The following FAF1 variants were observed in gnomAD, a reference collection of about 807,000 sequenced individuals.
FAF1 encodes the protein FAS-associated factor 1.
FAF1 carries 25 observed loss-of-function variants against 92.5 expected under a neutral mutation model. That is an observed-to-expected ratio of 0.27 (90% CI 0.20 to 0.38). The LOEUF (loss-of-function observed/expected upper bound fraction) is 0.38, where lower values mean the gene tolerates loss of function less well. Ranked by LOEUF, FAF1 falls within the 10% of genes least tolerant of loss-of-function variation. The pLI is 1.00. For synonymous variants in FAF1, 234 were observed against 273.2 expected (o/e 0.86, Z 1.42); for missense variants, 636 against 793.3 (o/e 0.80, Z 2.38).
intron 3 of FAF1, among the ~76,000 whole-genome samples, chr1:50,800,653 T>C (rs1029375983): frequency 5.3e-5 from 8 of 152,184 alleles, no homozygotes; most frequent in Non-Finnish European, 1.2e-4. Flanking sequence ...GTGGTACAGG[T>C]ATCAAACAAA....
chr1:50,566,202 C>CA (rs1351340257), intron 13 of FAF1, among the ~76,000 whole-genome samples: 1 of 151,968 alleles, frequency 6.6e-6, no homozygotes, highest in Non-Finnish European at 1.5e-5. Flanking sequence ...TTAAATAAAA[C>CA]AAAGTCTGAA....
intron 4 of FAF1, among the ~76,000 whole-genome samples, chr1:50,779,538 T>C (rs193145803): frequency 9.9e-5 from 15 of 151,944 alleles, no homozygotes; most frequent in Admixed American, 2.6e-4. Flanking sequence ...CCTGTATATA[T>C]TGATATCTAA....
chr1:50,483,373 C>A (rs978199283), intron 17 of FAF1, among the ~76,000 whole-genome samples: 1 of 151,954 alleles, frequency 6.6e-6, no homozygotes, highest in South Asian at 2.1e-4. Context: ...TTTGTAAATA[C>A]CACTATGTCT....
At chr1:50,929,303 C>G (rs923920644) in intron 1 of FAF1, among the ~76,000 whole-genome samples, 10 of 151,980 alleles carry the variant, frequency 6.6e-5, no homozygotes, top group African/African-American at 2.4e-4. Flanking sequence ...GGAGTGGGCT[C>G]CCAAAACAGT....
chr1:50,774,593 T>C (rs1415508335), intron 4 of FAF1, among the ~76,000 whole-genome samples: 1 of 152,042 alleles, frequency 6.6e-6, no homozygotes, highest in Admixed American at 6.6e-5. Flanking sequence ...AGATAAATGG[T>C]TCAAATAATA....
intron 4 of FAF1, 72 bp from the exon 5 acceptor site, chr1:50,744,847 A>T: frequency 9.4e-6 from 8 of 848,702 alleles, no homozygotes; most frequent in Non-Finnish European, 1.5e-5. Flanking sequence ...ATCCAGAGCT[A>T]ACACTAATAT....
Position 50,887,986 on chromosome 1 carries a change from G to A in FAF1, c.46-29989C>T, listed in dbSNP as rs139692630. 7.9e-3 allele frequency among the ~76,000 whole-genome samples: 1,195 copies of A among 152,220 alleles called. 14 individuals are homozygous for A. The highest frequency in any genetic ancestry group is 0.028 in the African/African-American group (1,143 of 41,540). On this transcript the variant is annotated intron_variant, in intron 1 of 18. Coordinates refer to ENST00000396153, the MANE Select transcript of FAF1 (RefSeq NM_007051.3). ...CCTTGGGCAGTATGGCCATTTTCAC[G>A]ATATTGATTCTTCCTATCCATGAGC...
chr1:50,862,250 T>C (rs1173271019), intron 1 of FAF1, among the ~76,000 whole-genome samples: 6 of 151,754 alleles, frequency 4.0e-5, no homozygotes, highest in African/African-American at 1.5e-4. Context: ...TAACAGAAGC[T>C]GTACAGAGGA....
chr1:50,580,919 G>A (rs530663034), intron 12 of FAF1, among the ~76,000 whole-genome samples: 135 of 152,258 alleles, frequency 8.9e-4, no homozygotes, highest in Admixed American at 2.4e-3. Flanking sequence ...CTAGAGGCAT[G>A]CATCACCAGG....
At chr1:50,455,180 G>GT (rs1475654622) in intron 18 of FAF1, among the ~76,000 whole-genome samples, 3 of 152,202 alleles carry the variant, frequency 2.0e-5, no homozygotes, top group Admixed American at 6.5e-5. Context: ...GGGGCTGACA[G>GT]TAAGTCTGCA....
At chr1:50,519,370 A>AGGAGGGAGGGAGGGAG (rs781526889) in intron 15 of FAF1, among the ~76,000 whole-genome samples, 4 of 99,572 alleles carry the variant, frequency 4.0e-5, no homozygotes, top group East Asian at 3.4e-4. Flanking sequence ...GAAGGAAGGA[A>AGGAGGGAGGGAGGGAG]GGAGGGAGGG....
chr1:50,523,114 C>T (rs532989096), intron 15 of FAF1, among the ~76,000 whole-genome samples: 159 of 152,234 alleles, frequency 1.0e-3, no homozygotes, highest in Non-Finnish European at 1.7e-3. Context: ...TTTATTAAGG[C>T]TAAATAATAT....
chr1:50,829,665 G>A (rs562891357), intron 2 of FAF1, among the ~76,000 whole-genome samples: 1 of 152,136 alleles, frequency 6.6e-6, no homozygotes, highest in South Asian at 2.1e-4. Context: ...GTACTTAGTG[G>A]AAACATCAGG....
intron 6 of FAF1, among the ~76,000 whole-genome samples, chr1:50,722,463 A>G (rs757420216): frequency 6.6e-6 from 1 of 152,122 alleles, no homozygotes; most frequent in African/African-American, 2.4e-5. Context: ...CCTGGCTAAC[A>G]TGGTGAAACT....
Position 50,951,083 on chromosome 1 carries a change from A to G in FAF1, c.45+8684T>C, listed in dbSNP as rs527724823. Among the ~76,000 whole-genome samples, 13 of 152,306 alleles carry G rather than the reference A, an allele frequency of 8.5e-5. No individual in the cohort carries two copies. In the East Asian group the frequency reaches 2.5e-3, roughly 29 times the overall value. ...CCATCTCCACTAAAAATATTTAAAA[A>G]GTTAGCTGGATGTGGTGGCACACGC... is the stretch of plus-strand genomic sequence containing the variant. On this transcript the variant is annotated intron_variant, in intron 1 of 18. Coordinates refer to ENST00000396153, the MANE Select transcript of FAF1 (RefSeq NM_007051.3).
chr1:50,617,862 A>G (rs1353920338), intron 8 of FAF1, among the ~76,000 whole-genome samples: 1 of 151,780 alleles, frequency 6.6e-6, no homozygotes, highest in Non-Finnish European at 1.5e-5. Context: ...TCAGGGATTC[A>G]ATTTCTTCCT....
intron 8 of FAF1, among the ~76,000 whole-genome samples, chr1:50,631,697 C>T (rs1026221925): frequency 2.0e-5 from 3 of 152,196 alleles, no homozygotes; most frequent in African/African-American, 4.8e-5. Flanking sequence ...GAAACATCTG[C>T]TAGTTTTGCT....
At chr1:50,858,925 C>A (rs1023499648) in intron 1 of FAF1, among the ~76,000 whole-genome samples, 6 of 151,718 alleles carry the variant, frequency 4.0e-5, no homozygotes, top group Non-Finnish European at 7.4e-5. Flanking sequence ...AACAGCACAT[C>A]AAAAAGTAAA....
At chr1:50,821,233 T>C (rs1272262213) in intron 2 of FAF1, among the ~76,000 whole-genome samples, 1 of 152,206 alleles carries the variant, frequency 6.6e-6, no homozygotes, top group Non-Finnish European at 1.5e-5. Context: ...TTGTGTGTTA[T>C]ATGCCAGTGG....
Sources: gnomAD v4.1 joint callset for allele counts (sites outside exome capture counted in the v4.1 genomes callset) on GRCh38, gnomAD v4.1.1 for gene constraint, MANE v1.5 for transcripts, NCBI Gene and HGNC (gene_info 2026-07-23, HGNC 2026-07-21) for gene names.